PHACTR2: variants seen among roughly 807,000 people sequenced by gnomAD.
PHACTR2 encodes the protein phosphatase and actin regulator 2, also known as chromosome 6 open reading frame 56.
A neutral mutation model predicts 76.0 loss-of-function variants in PHACTR2; 30 were observed. The observed-to-expected ratio is 0.39, with a 90% CI of 0.30 to 0.54. The LOEUF (loss-of-function observed/expected upper bound fraction) is 0.54. Among genes scored for constraint, PHACTR2 ranks in the 20% least tolerant of loss-of-function variants. The pLI, the probability that PHACTR2 is intolerant of heterozygous loss-of-function variation, is 0.61. For synonymous variants in PHACTR2, 292 were observed against 292.5 expected, an observed-to-expected ratio of 1.00 and a Z score of 0.02; for missense variants, 696 against 781.1, an observed-to-expected ratio of 0.89 and a Z score of 1.30.
At chr6:143,569,061 T>C (rs1775408208) in intron 1 of PHACTR2, among the ~76,000 whole-genome samples, 1 of 152,226 alleles carries the variant, frequency 6.6e-6, no homozygotes. Flanking sequence ...ACTAGTCTCT[T>C]AATCTTCCCA....
At chr6:143,736,898 C>T (rs1372322067) in intron 2 of PHACTR2, among the ~76,000 whole-genome samples, 1 of 151,668 alleles carries the variant, frequency 6.6e-6, no homozygotes, top group East Asian at 1.9e-4. Flanking sequence ...ATCATCCTAA[C>T]GTCTATTCAT....
At chr6:143,612,271 A>G (rs9496703) in intron 1 of PHACTR2, among the ~76,000 whole-genome samples, 8,690 of 152,296 alleles carry the variant, frequency 0.057, 688 homozygotes, top group African/African-American at 0.17. Flanking sequence ...TGCAATAATT[A>G]GGGTAAAGGC....
chr6:143,765,289 T>G lies in PHACTR2; in HGVS notation c.723T>G (p.Thr241=). Residue 241 remains threonine (T), a synonymous_variant, in exon 6 of 13, where the codon ACT becomes ACG. Coordinates refer to ENST00000440869, the MANE Select transcript of PHACTR2 (RefSeq NM_001100164.2). The surrounding 1 kb of genome is among the most constrained non-coding windows in gnomAD (Gnocchi z 4.1). ...GCTCCTCTCATTCAAAAAAAACAACTGGCTCTAAAGCATCAGCTTCGCCAT... is the reference window on the plus strand; with the variant it reads ...GCTCCTCTCATTCAAAAAAAACAACGGGCTCTAAAGCATCAGCTTCGCCAT... The part of the protein sequence containing the change: ...AAGSSHSKKT[T]GSKASASPST... 1.2e-6 allele frequency: 2 copies of G among 1,613,244 alleles called. No homozygotes were observed. Among genetic ancestry groups the G allele is most frequent in the Non-Finnish European group, 1.7e-6 (2 of 1,179,736 alleles).
At chr6:143,788,398 T>G (rs1775600857) in intron 10 of PHACTR2, among the ~76,000 whole-genome samples, 1 of 152,216 alleles carries the variant, frequency 6.6e-6, no homozygotes, top group African/African-American at 2.4e-5. Flanking sequence ...GGCTTTTGCC[T>G]TGATAATTCA....
Position 143,709,929 on chromosome 6 carries a change from C to A in PHACTR2, c.47-2087C>A, listed in dbSNP as rs1778135529. 6.6e-6 allele frequency among the ~76,000 whole-genome samples: 1 copy of A among 152,104 alleles called. No individual in the cohort carries two copies. The highest frequency in any genetic ancestry group is 2.4e-5 in the African/African-American group (1 of 41,410). On this transcript the variant is annotated intron_variant, in intron 1 of 12. Transcript: ENST00000440869. The surrounding 1 kb of genome is among the most constrained non-coding windows in gnomAD (Gnocchi z 4.4). Reference sequence around the variant, plus strand: ...TAAAGGTGCTAGTTTCCTGCTTGGTCTTCTCTGACACCACTCTAGTAGGGG... The same window carrying A: ...TAAAGGTGCTAGTTTCCTGCTTGGTATTCTCTGACACCACTCTAGTAGGGG...
intron 1 of PHACTR2, among the ~76,000 whole-genome samples, chr6:143,603,041 A>T (rs940937030): frequency 6.6e-6 from 1 of 150,538 alleles, no homozygotes; most frequent in African/African-American, 2.4e-5. Flanking sequence ...GCTACTCAGG[A>T]GGCTGAGACA....
rs1754430424 is a variant in PHACTR2, at chr6:143,548,440, A to T, written c.217+11233A>T. On this transcript the variant is annotated intron_variant, in intron 1 of 11. Transcript: ENST00000367584. The surrounding 1 kb of genome is among the most constrained non-coding windows in gnomAD (Gnocchi z 4.5). ...ATCCTTCTGTCTTTCCCTCCCTCCC[A>T]GACTTCTCTGATGCTGTGAGCATAT... 6.6e-6 allele frequency among the ~76,000 whole-genome samples: 1 copy of T among 152,032 alleles called. No individual in the cohort carries two copies. Among genetic ancestry groups the T allele is most frequent in the South Asian group, 2.1e-4 (1 of 4,832 alleles).
intron 5 of PHACTR2, among the ~76,000 whole-genome samples, chr6:143,763,976 A>C (rs189508469): frequency 1.3e-5 from 2 of 152,374 alleles, no homozygotes; most frequent in African/African-American, 4.8e-5. Context: ...GAAAGAAAAG[A>C]GTATTCTCAT....
chr6:143,739,403 T>C lies in PHACTR2; in HGVS notation c.215-9582T>C, dbSNP rs1778892884. Reference sequence around the variant, plus strand: ...AAATCAGTTCTCTAGCCTGTTCTTTTTGGGACGAGATTAGAGTGTAATTTC... The same window carrying C: ...AAATCAGTTCTCTAGCCTGTTCTTTCTGGGACGAGATTAGAGTGTAATTTC... On this transcript the variant is annotated intron_variant, in intron 2 of 12. Coordinates refer to ENST00000440869, the MANE Select transcript of PHACTR2 (RefSeq NM_001100164.2). This position sits in a 1 kb window ranked among gnomAD's most constrained non-coding sequence, Gnocchi z 4.3. Among the ~76,000 whole-genome samples, 1 of 152,200 alleles carries C rather than the reference T, an allele frequency of 6.6e-6. No homozygotes were observed. Among genetic ancestry groups the C allele is most frequent in the African/African-American group, 2.4e-5 (1 of 41,452 alleles).
chr6:143,577,631 T>C (rs1384662255), intron 1 of PHACTR2, among the ~76,000 whole-genome samples: 1 of 152,166 alleles, frequency 6.6e-6, no homozygotes, highest in Non-Finnish European at 1.5e-5. Flanking sequence ...GGAACCCTAT[T>C]GTGCAAGGCT....
rs1170851998 is a variant in PHACTR2 at position 143,689,355 on chromosome 6, G to GTA, written c.46+11150_46+11151dup. On this transcript the variant is annotated intron_variant, in intron 1 of 12. Transcript: ENST00000440869. This position sits in a 1 kb window ranked among gnomAD's most constrained non-coding sequence, Gnocchi z 4.4. ...CACCAATGTCTCTTCTTATTCCTAGGTATATGCCTGACACCAAAACTATTT... is the reference window on the plus strand; with the variant it reads ...CACCAATGTCTCTTCTTATTCCTAGGTATATATGCCTGACACCAAAACTATTT... Among the ~76,000 whole-genome samples, 2 of 152,134 alleles carry GTA rather than the reference G, an allele frequency of 1.3e-5. No homozygotes were observed. Among genetic ancestry groups the GTA allele is most frequent in the African/African-American group, 4.8e-5 (2 of 41,420 alleles).
chr6:143,683,875 C>T lies in PHACTR2; in HGVS notation c.46+5666C>T, dbSNP rs1002538840. 1.3e-5 allele frequency among the ~76,000 whole-genome samples: 2 copies of T among 152,086 alleles called. No homozygotes were observed. The highest frequency in any genetic ancestry group is 1.9e-4 in the East Asian group (1 of 5,194). On this transcript the variant is annotated intron_variant, in intron 1 of 12. Coordinates refer to ENST00000440869, the MANE Select transcript of PHACTR2 (RefSeq NM_001100164.2). The surrounding 1 kb of genome is among the most constrained non-coding windows in gnomAD (Gnocchi z 4.1). The stretch of plus-strand genomic sequence containing the variant: ...CCAGCATGAACAGTTTTTTTCATTC[C>T]ACACAGTTTTCATTCATAGATATAT...
intron 1 of PHACTR2, among the ~76,000 whole-genome samples, chr6:143,575,582 A>G (rs9484769): frequency 0.62 from 93,570 of 152,118 alleles, 29,123 homozygotes; most frequent in Middle Eastern, 0.72. Context: ...TAATACTGGT[A>G]AGACACCAGA....
chr6:143,732,495 A>G (rs1490261443), intron 2 of PHACTR2, among the ~76,000 whole-genome samples: 1 of 152,224 alleles, frequency 6.6e-6, no homozygotes, highest in Admixed American at 6.5e-5. Flanking sequence ...CCATTGTATG[A>G]ATATACCACA....
chr6:143,728,587 A>T (rs957542491), intron 2 of PHACTR2, among the ~76,000 whole-genome samples: 24 of 152,160 alleles, frequency 1.6e-4, no homozygotes, highest in African/African-American at 4.6e-4. Flanking sequence ...TTCAAAATAT[A>T]TTACAAGTCT....
At position 143,678,788 on chromosome 6, in the gene PHACTR2, G is replaced by T. The variant is rs1777316785; in HGVS notation, c.46+579G>T. ...TAACATTTAGGGAAACATATCTCAT[G>T]AACTTAGTTCTCCAGGACTAAAGTT... is the stretch of plus-strand genomic sequence containing the variant. On this transcript the variant is annotated intron_variant, in intron 1 of 12. Coordinates refer to ENST00000440869, the MANE Select transcript of PHACTR2 (RefSeq NM_001100164.2). The surrounding 1 kb of genome is among the most constrained non-coding windows in gnomAD (Gnocchi z 6.2). 6.6e-6 allele frequency among the ~76,000 whole-genome samples: 1 copy of T among 152,198 alleles called. No homozygotes were observed. Among genetic ancestry groups the T allele is most frequent in the South Asian group, 2.1e-4 (1 of 4,830 alleles).
rs34900068 is a variant in PHACTR2 at position 143,659,023 on chromosome 6, C to CAAA, written c.13+50714_13+50716dup. On this transcript the variant is annotated intron_variant, in intron 1 of 11. Coordinates refer to the PHACTR2 transcript ENST00000305766. This position sits in a 1 kb window ranked among gnomAD's most constrained non-coding sequence, Gnocchi z 5.0. The stretch of plus-strand genomic sequence containing the variant: ...TGGGCAACAAAGCAAGATTCTGTCT[C>CAAA]AAAAAAAAAAAAAAAGATAAAAAAT... 0.032 allele frequency among the ~76,000 whole-genome samples: 4,272 copies of CAAA among 133,652 alleles called. 214 individuals are homozygous for CAAA. Among genetic ancestry groups the CAAA allele is most frequent in the African/African-American group, 0.11 (3,883 of 35,810 alleles). 87.7% of individuals were successfully genotyped at this position (133,652 alleles called of 152,430 possible).
rs531404440 is a variant in PHACTR2 at position 143,809,016 on chromosome 6, A to T, written c.1922+1883A>T. Among the ~76,000 whole-genome samples the T allele has an allele frequency of 1.1e-4, 16 of 152,366 alleles. No homozygotes were observed. Among genetic ancestry groups the T allele is most frequent in the African/African-American group, 3.6e-4 (15 of 41,596 alleles). ...CTGGGGCCTCCGGGCAACTGGGAAG[A>T]TAGAGTGCTTGGTGCAGTTGGGTCC... On this transcript the variant is annotated intron_variant, in intron 12 of 12. Coordinates refer to ENST00000440869, the MANE Select transcript of PHACTR2 (RefSeq NM_001100164.2). This position sits in a 1 kb window ranked among gnomAD's most constrained non-coding sequence, Gnocchi z 4.2.
rs1775631183 is a variant in PHACTR2 at position 143,789,612 on chromosome 6, G to T, written c.1845+702G>T. On this transcript the variant is annotated intron_variant, in intron 11 of 12. Transcript: ENST00000440869. The surrounding 1 kb of genome is among the most constrained non-coding windows in gnomAD (Gnocchi z 5.1). Reference sequence around the variant, plus strand: ...CGTGCCAACCGTTTGTTTTTAAATTGTTCTAATTTTTATCTCTTAGCAAAA... The same window carrying T: ...CGTGCCAACCGTTTGTTTTTAAATTTTTCTAATTTTTATCTCTTAGCAAAA... 6.6e-6 allele frequency among the ~76,000 whole-genome samples: 1 copy of T among 152,104 alleles called. No homozygotes were observed. Among genetic ancestry groups the T allele is most frequent in the Non-Finnish European group, 1.5e-5 (1 of 68,010 alleles).
Sources: allele counts gnomAD v4.1 joint callset (sites outside exome capture counted in the v4.1 genomes callset), GRCh38; gene constraint gnomAD v4.1.1; non-coding constraint Gnocchi (gnomAD v3.1); transcripts MANE v1.5; gene names NCBI Gene and HGNC (gene_info 2026-07-23, HGNC 2026-07-21).